DYM: variants seen among roughly 807,000 people sequenced by gnomAD.
DYM encodes dymeclin.
DYM carries 78 observed loss-of-function variants against 93.1 expected under a neutral mutation model. The ratio of observed to expected loss-of-function variants is 0.84; its 90% CI spans 0.70 to 1.01. The LOEUF is 1.01. DYM is among the 50% of genes least tolerant of loss of function. The probability of loss-of-function intolerance (pLI) is 0.00; values close to 1 mark genes in which losing one functional copy is unlikely to be tolerated. For synonymous variants in DYM, 321 were observed against 319.7 expected, an observed-to-expected ratio of 1.00 and a Z score of -0.04; for missense variants, 789 against 845.0, an observed-to-expected ratio of 0.93 and a Z score of 0.82.
intron 6 of DYM, among the ~76,000 whole-genome samples, chr18:49,357,548 A>G (rs565954991): frequency 6.6e-6 from 1 of 152,340 alleles, no homozygotes; most frequent in South Asian, 2.1e-4. Flanking sequence ...CCAACTACAA[A>G]TGAGCCATTA....
At chr18:49,258,855 G>GATAGCAC (rs1555664230) in intron 11 of DYM, among the ~76,000 whole-genome samples, 2 of 101,524 alleles carry the variant, frequency 2.0e-5, no homozygotes, top group Admixed American at 8.6e-5. Flanking sequence ...GAGAGAGAGA[G>GATAGCAC]AGAGAGAGAG....
chr18:49,093,674 G>A (rs558419668), intron 17 of DYM, among the ~76,000 whole-genome samples: 1 of 152,278 alleles, frequency 6.6e-6, no homozygotes, highest in Non-Finnish European at 1.5e-5. Flanking sequence ...GGATGTGTGG[G>A]GAGGCAGAAG....
chr18:49,432,221 C>T (rs986837953), intron 1 of DYM, among the ~76,000 whole-genome samples: 2 of 150,564 alleles, frequency 1.3e-5, no homozygotes, highest in African/African-American at 4.9e-5. Context: ...ATCCCAGCTA[C>T]TAGGGAGGCT....
chr18:49,387,928 C>T (rs914208422), intron 3 of DYM, among the ~76,000 whole-genome samples: 6 of 152,074 alleles, frequency 3.9e-5, no homozygotes, highest in Admixed American at 3.3e-4. Context: ...GAAGAGTATA[C>T]AAGAATGCTC....
At chr18:49,375,256 G>GAA (rs934059029) in intron 5 of DYM, among the ~76,000 whole-genome samples, 13 of 143,780 alleles carry the variant, frequency 9.0e-5, no homozygotes, top group African/African-American at 3.4e-4. Context: ...GGCTTTAGAA[G>GAA]AAAAAAATAT....
intron 8 of DYM, among the ~76,000 whole-genome samples, chr18:49,312,231 G>C (rs755854866): frequency 3.9e-4 from 59 of 152,166 alleles, no homozygotes; most frequent in Non-Finnish European, 8.8e-5. Flanking sequence ...CAGGTCCCCA[G>C]TGAAACTTCA....
At chr18:49,309,259 T>C (rs913777798) in intron 8 of DYM, among the ~76,000 whole-genome samples, 1 of 152,336 alleles carries the variant, frequency 6.6e-6, no homozygotes, top group Admixed American at 6.5e-5. Flanking sequence ...GCTGCAGATT[T>C]ATGCTTACGC....
chr18:49,198,504 A>C (rs1257286235), intron 14 of DYM, among the ~76,000 whole-genome samples: 1 of 152,202 alleles, frequency 6.6e-6, no homozygotes, highest in Non-Finnish European at 1.5e-5. Context: ...CTAATATCCA[A>C]AATCTACAAA....
chr18:49,167,321 G>T (rs1389298320), intron 14 of DYM, among the ~76,000 whole-genome samples: 1 of 151,924 alleles, frequency 6.6e-6, no homozygotes, highest in Non-Finnish European at 1.5e-5. Flanking sequence ...TACTACTAAG[G>T]ACACAAATGT....
chr18:49,418,396 A>C (rs1349289756), intron 2 of DYM, among the ~76,000 whole-genome samples: 2 of 152,184 alleles, frequency 1.3e-5, no homozygotes, highest in African/African-American at 4.8e-5. Context: ...TTTAGTCTTT[A>C]ATTATTCTTC....
Position 49,085,606 on chromosome 18 carries a change from C to CTTTTTTTTTTTTTT in DYM, c.2025+11782_2025+11795dup, listed in dbSNP as rs11437833. Among the ~76,000 whole-genome samples, 42 of 102,174 alleles carry CTTTTTTTTTTTTTT rather than the reference C, an allele frequency of 4.1e-4. 3 individuals carry two copies. The highest frequency in any genetic ancestry group is 5.7e-4 in the Non-Finnish European group (29 of 50,728). 67.0% of individuals were successfully genotyped at this position (102,174 alleles called of 152,430 possible). A position where few individuals can be genotyped will look rare whatever the true frequency, so the allele number is the denominator to read the frequency against. ...GGCAGATGAATAAGGACAACTGGTC[C>CTTTTTTTTTTTTTT]TTTTTTTTTTTTTTTTTTTTTGATG... On this transcript the variant is annotated intron_variant, in intron 17 of 17. Transcript: ENST00000675505.
In DYM at chr18:49,298,056, T is replaced by G. The variant is rs115237955; in HGVS notation, c.764-11440A>C. Reference sequence around the variant, plus strand: ...AATAGTTTCACCTTTTTACATGTATTTACACTTAAAGCACTCTTGAAATAT... The same window carrying G: ...AATAGTTTCACCTTTTTACATGTATGTACACTTAAAGCACTCTTGAAATAT... On this transcript the variant is annotated intron_variant, in intron 8 of 17. Coordinates refer to ENST00000675505, the MANE Select transcript of DYM (RefSeq NM_001353214.3). Among the ~76,000 whole-genome samples the G allele has an allele frequency of 3.5e-3, 526 of 152,250 alleles. 4 individuals are homozygous for G. Among genetic ancestry groups the G allele is most frequent in the African/African-American group, 0.012 (488 of 41,542 alleles).
rs1568344333 is a variant in DYM, at chr18:49,378,657, AAAT to A, written c.328_330del (p.Ile110del). The A allele has an allele frequency of 6.2e-7, 1 of 1,613,442 alleles. No homozygotes were observed. On this transcript the variant is annotated inframe_deletion, in exon 5 of 18. Coordinates refer to ENST00000675505, the MANE Select transcript of DYM (RefSeq NM_001353214.3). ...CAGATGAACACTTTCAGCAAACAGC[AAAT>A]AATAAACAAAGCATTGTGTGTCTGC...
At chr18:49,250,546 G>A (rs1228343372) in intron 13 of DYM, among the ~76,000 whole-genome samples, 1 of 152,192 alleles carries the variant, frequency 6.6e-6, no homozygotes, top group East Asian at 1.9e-4. Flanking sequence ...GGCCAAATGG[G>A]TTCTTTCTCT....
intron 6 of DYM, among the ~76,000 whole-genome samples, chr18:49,342,522 T>C (rs1283091314): frequency 6.6e-6 from 1 of 152,198 alleles, no homozygotes; most frequent in Admixed American, 6.5e-5. Flanking sequence ...TCAGATTATG[T>C]GCTAATTTCA....
intron 13 of DYM, among the ~76,000 whole-genome samples, chr18:49,250,139 G>A (rs768765604): frequency 2.6e-5 from 4 of 152,234 alleles, no homozygotes; most frequent in Non-Finnish European, 5.9e-5. Context: ...CCAGAACTAA[G>A]TTTAAATTCC....
chr18:49,262,534 C>G (rs1251202374), intron 11 of DYM, among the ~76,000 whole-genome samples: 1 of 152,174 alleles, frequency 6.6e-6, no homozygotes, highest in African/African-American at 2.4e-5. Flanking sequence ...ACTTTTTTCA[C>G]TCAGCATGTT....
intron 1 of DYM, among the ~76,000 whole-genome samples, chr18:49,441,853 G>A (rs979267450): frequency 6.6e-6 from 1 of 152,206 alleles, no homozygotes; most frequent in South Asian, 2.1e-4. Context: ...TCTCTCCCCA[G>A]GAAAAGACTA....
At chr18:49,066,898 A>C (rs909612418) in intron 17 of DYM, among the ~76,000 whole-genome samples, 2 of 152,194 alleles carry the variant, frequency 1.3e-5, no homozygotes, top group African/African-American at 4.8e-5. Flanking sequence ...ATCCCATCAC[A>C]ATGAAGATAC....
Sources: allele counts gnomAD v4.1 joint callset (sites outside exome capture counted in the v4.1 genomes callset), GRCh38; gene constraint gnomAD v4.1.1; transcripts MANE v1.5; gene names NCBI Gene and HGNC (gene_info 2026-07-23, HGNC 2026-07-21).